Variants in PDE4B observed in about 807,000 individuals in gnomAD.
The protein encoded by PDE4B is 3',5'-cyclic-AMP phosphodiesterase 4B.
A neutral mutation model predicts 82.2 loss-of-function variants in PDE4B; 20 were observed. That is an observed-to-expected ratio of 0.24 (90% CI 0.17 to 0.35). The LOEUF (loss-of-function observed/expected upper bound fraction) is 0.35. Ranked by LOEUF, PDE4B falls within the 10% of genes least tolerant of loss-of-function variation. PDE4B has a pLI of 1.00. For synonymous variants in PDE4B, 320 were observed against 318.9 expected (o/e 1.00, Z -0.04); for missense variants, 655 against 907.2 (o/e 0.72, Z 3.57).
chr1:66,320,121 C>T (rs943958930), intron 7 of PDE4B, among the ~76,000 whole-genome samples: 3 of 152,120 alleles, frequency 2.0e-5, no homozygotes, highest in Non-Finnish European at 4.4e-5. Flanking sequence ...ATTTTCCAAC[C>T]TCTCAAACTT....
intron 2 of PDE4B, among the ~76,000 whole-genome samples, chr1:65,914,709 C>T (rs11208769): frequency 0.54 from 82,686 of 151,726 alleles, 22,730 homozygotes; most frequent in South Asian, 0.67. Flanking sequence ...GCCTTCCATA[C>T]GGACAAACCA....
intron 7 of PDE4B, among the ~76,000 whole-genome samples, chr1:66,299,685 T>C (rs898394392): frequency 6.6e-6 from 1 of 152,196 alleles, no homozygotes; most frequent in Admixed American, 6.5e-5. Context: ...ATCAACAGTT[T>C]ATAAGAGTTT....
intron 3 of PDE4B, among the ~76,000 whole-genome samples, chr1:66,058,781 TC>T (rs1214132666): frequency 6.6e-6 from 1 of 152,016 alleles, no homozygotes; most frequent in Non-Finnish European, 1.5e-5. Context: ...AACCATTTTT[TC>T]CCCCTAGACC....
intron 3 of PDE4B, among the ~76,000 whole-genome samples, chr1:65,928,010 G>A (rs1647603207): frequency 6.6e-6 from 1 of 152,034 alleles, no homozygotes; most frequent in African/African-American, 2.4e-5. Context: ...TGACATTTTG[G>A]GTCCTCTGGA....
Position 65,922,553 on chromosome 1 carries a change from A to G in PDE4B, c.281+3718A>G, listed in dbSNP as rs529624619. On this transcript the variant is annotated intron_variant, in intron 3 of 16. Coordinates refer to ENST00000341517, the MANE Select transcript of PDE4B (RefSeq NM_002600.4). ...AAGTGGGTTCCTAATATTGAAACCT[A>G]TAATTGCATAGATGCTAGACCTGGG... 4.6e-5 allele frequency among the ~76,000 whole-genome samples: 7 copies of G among 152,336 alleles called. No homozygotes were observed. In the South Asian group the frequency reaches 8.3e-4, roughly 18 times the overall value.
chr1:66,373,470 C>T lies in PDE4B; in HGVS notation c.*792C>T, dbSNP rs1380628128. 6.6e-6 allele frequency: 1 copy of T among 152,660 alleles called. No homozygotes were observed. Among genetic ancestry groups the T allele is most frequent in the Non-Finnish European group, 1.5e-5 (1 of 68,092 alleles). 9.5% of individuals were successfully genotyped at this position (152,660 alleles called of 1,614,324 possible). A position where few individuals can be genotyped will look rare whatever the true frequency, so the allele number is the denominator to read the frequency against. On this transcript the variant is annotated 3_prime_UTR_variant, in exon 17 of 17. Transcript: ENST00000341517. Reference sequence around the variant, plus strand: ...GTTCACCGTGAGAGTCTGCATAGAACTCAGCAGTGTGCCCTGCTGTGTCTT... The same window carrying T: ...GTTCACCGTGAGAGTCTGCATAGAATTCAGCAGTGTGCCCTGCTGTGTCTT...
intron 3 of PDE4B, among the ~76,000 whole-genome samples, chr1:66,166,430 G>T (rs1326043363): frequency 6.6e-6 from 1 of 151,964 alleles, no homozygotes; most frequent in African/African-American, 2.4e-5. Flanking sequence ...TTCTTCCAAG[G>T]ACGCTATTAA....
intron 3 of PDE4B, among the ~76,000 whole-genome samples, chr1:66,105,569 T>A (rs1281999064): frequency 6.6e-6 from 1 of 152,196 alleles, no homozygotes; most frequent in Admixed American, 6.5e-5. Flanking sequence ...TTCCTACCCA[T>A]GAGCATGGAA....
intron 3 of PDE4B, among the ~76,000 whole-genome samples, chr1:66,011,677 G>C (rs7527676): frequency 0.98 from 149,271 of 152,162 alleles, 73,268 homozygotes; most frequent in Middle Eastern, 1. Context: ...TTTTTTTCCT[G>C]TGAGACATCT....
At chr1:66,140,626 C>A (rs1264798762) in intron 3 of PDE4B, among the ~76,000 whole-genome samples, 1 of 152,104 alleles carries the variant, frequency 6.6e-6, no homozygotes, top group Non-Finnish European at 1.5e-5. Flanking sequence ...CTTATTTTAG[C>A]CAACTTTAAA....
chr1:66,343,661 A>G (rs501997), intron 8 of PDE4B, among the ~76,000 whole-genome samples: 84,118 of 152,026 alleles, frequency 0.55, 24,047 homozygotes, highest in East Asian at 0.81. Flanking sequence ...AATTGTAAGG[A>G]TGGAAGTGAA....
intron 3 of PDE4B, among the ~76,000 whole-genome samples, chr1:65,956,213 CTACTGGGAT>C (rs1256731791): frequency 6.6e-6 from 1 of 152,062 alleles, no homozygotes. Context: ...TGCAGTCTTA[CTACTGGGAT>C]ATATTTAAGG....
chr1:66,202,130 G>A (rs1326180634), intron 3 of PDE4B, among the ~76,000 whole-genome samples: 2 of 152,066 alleles, frequency 1.3e-5, no homozygotes, highest in African/African-American at 2.4e-5. Context: ...GGAGCAGGTT[G>A]TTCAGTTTCC....
At chr1:66,127,755 A>AT (rs1471102256) in intron 3 of PDE4B, among the ~76,000 whole-genome samples, 4 of 152,060 alleles carry the variant, frequency 2.6e-5, no homozygotes, top group East Asian at 3.8e-4. Context: ...TTTAGAAAAC[A>AT]TTTTTTTATC....
chr1:65,953,103 G>A (rs1649087431), intron 3 of PDE4B, among the ~76,000 whole-genome samples: 1 of 152,036 alleles, frequency 6.6e-6, no homozygotes, highest in Admixed American at 6.6e-5. Context: ...TCTCTTCTGT[G>A]TCTAACTTCC....
chr1:66,198,732 G>T lies in PDE4B; in HGVS notation c.282-48728G>T, dbSNP rs566943870. Among the ~76,000 whole-genome samples, 42 of 152,160 alleles carry T rather than the reference G, an allele frequency of 2.8e-4. 1 individual carries two copies. The South Asian group carries it at 8.5e-3, about 31-fold the overall frequency. On this transcript the variant is annotated intron_variant, in intron 3 of 16. Coordinates refer to ENST00000341517, the MANE Select transcript of PDE4B (RefSeq NM_002600.4). Reference sequence around the variant, plus strand: ...CCATTAACTCGTCATTTAGAATTAGGTATATCTCCTAATGCTATCCCTCCC... The same window carrying T: ...CCATTAACTCGTCATTTAGAATTAGTTATATCTCCTAATGCTATCCCTCCC...
intron 1 of PDE4B, among the ~76,000 whole-genome samples, chr1:65,813,115 G>A (rs940246308): frequency 6.6e-6 from 1 of 152,166 alleles, no homozygotes; most frequent in African/African-American, 2.4e-5. Flanking sequence ...TGAGGGTTTG[G>A]TTTATTAGCT....
At chr1:66,063,226 C>T (rs141602075) in intron 3 of PDE4B, among the ~76,000 whole-genome samples, 1 of 152,136 alleles carries the variant, frequency 6.6e-6, no homozygotes, top group Non-Finnish European at 1.5e-5. Flanking sequence ...TCTAGTTTCT[C>T]ACTCAGTTGG....
intron 3 of PDE4B, among the ~76,000 whole-genome samples, chr1:66,117,025 C>A (rs1645610072): frequency 6.6e-6 from 1 of 152,168 alleles, no homozygotes; most frequent in Non-Finnish European, 1.5e-5. Flanking sequence ...CATACCCTCT[C>A]TTGATCATTG....
Sources: allele counts gnomAD v4.1 joint callset (sites outside exome capture counted in the v4.1 genomes callset), GRCh38; gene constraint gnomAD v4.1.1; transcripts MANE v1.5; gene names NCBI Gene and HGNC (gene_info 2026-07-23, HGNC 2026-07-21).